The following ADAMTS12 variants were observed in gnomAD, a reference collection of about 807,000 sequenced individuals.
ADAMTS12 encodes ADAM metallopeptidase with thrombospondin type 1 motif 12, also known as A disintegrin and metalloproteinase with thrombospondin motifs 12.
In ADAMTS12, 118 loss-of-function variants were observed where a neutral mutation model predicts 167.8. That is an observed-to-expected ratio of 0.70 (90% CI 0.61 to 0.82). ADAMTS12 has a LOEUF of 0.82. Among genes scored for constraint, ADAMTS12 ranks in the 40% least tolerant of loss-of-function variants. ADAMTS12 has a pLI of 0.00. For synonymous variants in ADAMTS12, 704 were observed against 716.9 expected (o/e 0.98, Z 0.29); for missense variants, 1,916 against 1,998.8 (o/e 0.96, Z 0.79).
At chr5:33,832,684 T>C (rs1437784071) in intron 2 of ADAMTS12, among the ~76,000 whole-genome samples, 2 of 152,178 alleles carry the variant, frequency 1.3e-5, no homozygotes, top group Admixed American at 1.3e-4. Flanking sequence ...TGATGCGGCT[T>C]GGTTTGGGGA....
intron 14 of ADAMTS12, among the ~76,000 whole-genome samples, chr5:33,616,965 TAATAAAATGGA>T (rs2112101023): frequency 6.6e-6 from 1 of 152,300 alleles, no homozygotes; most frequent in East Asian, 1.9e-4. Context: ...AACCATTCCC[TAATAAAATGGA>T]AAGAACATGG....
chr5:33,540,989 C>T (rs553953725), intron 22 of ADAMTS12, among the ~76,000 whole-genome samples: 11 of 152,270 alleles, frequency 7.2e-5, no homozygotes, highest in Middle Eastern at 3.4e-3. Context: ...ATGACTTTGA[C>T]GAGTTGACAG....
rs781647953 is a variant in ADAMTS12 at position 33,661,874 on chromosome 5, C to T, written c.1040+42G>A. ...GTAAGCCTTTCACCTGCCATCCCTC[C>T]CTGCTTTACTGCCCCTGGGTTTCAT... On this transcript the variant is annotated intron_variant, in intron 6 of 23. Transcript: ENST00000504830. The T allele has an allele frequency of 6.8e-6, 11 of 1,610,238 alleles. No homozygotes were observed. In the African/African-American group the frequency reaches 1.2e-4, roughly 18 times the overall value.
At chr5:33,825,853 G>A (rs1386949871) in intron 2 of ADAMTS12, among the ~76,000 whole-genome samples, 1 of 152,184 alleles carries the variant, frequency 6.6e-6, no homozygotes, top group Non-Finnish European at 1.5e-5. Context: ...CTTGCTAGCA[G>A]TATTCTTGTC....
chr5:33,871,651 T>G (rs1449346732), intron 2 of ADAMTS12, among the ~76,000 whole-genome samples: 1 of 151,934 alleles, frequency 6.6e-6, no homozygotes, highest in Non-Finnish European at 1.5e-5. Context: ...CAGAACTCAA[T>G]GCAGTTAAAG....
chr5:33,888,881 T>C (rs531485845), intron 1 of ADAMTS12, among the ~76,000 whole-genome samples: 34 of 152,348 alleles, frequency 2.2e-4, no homozygotes, highest in African/African-American at 7.9e-4. Flanking sequence ...GTGGAAAGAA[T>C]ACTGGGCAGT....
At chr5:33,761,549 A>G (rs1745358398) in intron 2 of ADAMTS12, among the ~76,000 whole-genome samples, 1 of 152,214 alleles carries the variant, frequency 6.6e-6, no homozygotes, top group Non-Finnish European at 1.5e-5. Context: ...GAGATGTTAG[A>G]GACATAAATG....
intron 2 of ADAMTS12, among the ~76,000 whole-genome samples, chr5:33,868,709 C>T (rs992104751): frequency 2.6e-5 from 4 of 152,166 alleles, no homozygotes; most frequent in African/African-American, 9.7e-5. Context: ...TTTGTCCAAC[C>T]CATGGCCCAT....
At position 33,656,533 on chromosome 5, in the gene ADAMTS12, T is replaced by G. The variant is rs190169286; in HGVS notation, c.1190+1651A>C. Among the ~76,000 whole-genome samples the G allele has an allele frequency of 9.8e-5, 15 of 152,304 alleles. No individual in the cohort carries two copies. The East Asian group carries it at 1.7e-3, about 18-fold the overall frequency. ...TACAAGATCAGGTTGAACTTGAGGA[T>G]AGAAAGAATCCATCCTTGGAACACA... On this transcript the variant is annotated intron_variant, in intron 7 of 23. Coordinates refer to ENST00000504830, the MANE Select transcript of ADAMTS12 (RefSeq NM_030955.4).
chr5:33,576,537 T>C lies in ADAMTS12; in HGVS notation c.3489A>G (p.Arg1163=). ...TTTCATCTTTGTCCTCAGGCTGTTCTCTTTCTTCCCCTGAGCCACTGTGAA... is the reference window on the plus strand; with the variant it reads ...TTTCATCTTTGTCCTCAGGCTGTTCCCTTTCTTCCCCTGAGCCACTGTGAA... ...MEIHSGSGEE[R]EQPEDKDESN... is the part of the protein sequence containing the mutation. Residue 1163 remains arginine (R), a synonymous_variant, in exon 19 of 24, where the codon AGA becomes AGG. Coordinates refer to ENST00000504830, the MANE Select transcript of ADAMTS12 (RefSeq NM_030955.4). The C allele has an allele frequency of 6.2e-7, 1 of 1,613,770 alleles. No individual in the cohort carries two copies. Among genetic ancestry groups the C allele is most frequent in the South Asian group, 1.1e-5 (1 of 91,008 alleles).
At position 33,537,882 on chromosome 5, in the gene ADAMTS12, G is replaced by A. The variant is rs954886935; in HGVS notation, c.4447-2890C>T. ...GTTGGGCAAAATACTGCATTCCCGT[G>A]TGTGTTATAATTATAACCATCAAAA... is the stretch of plus-strand genomic sequence containing the variant. On this transcript the variant is annotated intron_variant, in intron 22 of 23. Transcript: ENST00000504830. Among the ~76,000 whole-genome samples the A allele has an allele frequency of 2.0e-5, 3 of 152,322 alleles. No homozygotes were observed. The South Asian group carries it at 6.2e-4, about 32-fold the overall frequency.
At chr5:33,672,321 C>CACATACACACACACAT (rs1490384628) in intron 5 of ADAMTS12, among the ~76,000 whole-genome samples, 4 of 150,854 alleles carry the variant, frequency 2.7e-5, no homozygotes, top group African/African-American at 9.8e-5. Flanking sequence ...CACACAGATC[C>CACATACACACACACAT]ACATACACAC....
At chr5:33,549,791 A>C (rs1229958760) in intron 20 of ADAMTS12, among the ~76,000 whole-genome samples, 1 of 152,250 alleles carries the variant, frequency 6.6e-6, no homozygotes, top group African/African-American at 2.4e-5. Flanking sequence ...CTAGAGGCAG[A>C]GTGGCCTGCC....
chr5:33,578,430 A>G (rs1042791347), intron 18 of ADAMTS12, among the ~76,000 whole-genome samples: 2 of 152,208 alleles, frequency 1.3e-5, no homozygotes, highest in African/African-American at 4.8e-5. Context: ...CTAGTGCAAC[A>G]CACTGTACAA....
chr5:33,549,106 A>G (rs1745123066), intron 21 of ADAMTS12, 101 bp downstream of exon 21: 2 of 1,408,088 alleles, frequency 1.4e-6, no homozygotes, highest in South Asian at 2.8e-5. Flanking sequence ...TTGGCAGGAC[A>G]CAGGTGTGGT....
chr5:33,606,575 G>A (rs903765191), intron 16 of ADAMTS12, among the ~76,000 whole-genome samples: 4 of 152,156 alleles, frequency 2.6e-5, no homozygotes, highest in Admixed American at 6.5e-5. Flanking sequence ...GAATGCATTC[G>A]TGAGTCCTAT....
chr5:33,550,963 T>C (rs994362179), intron 20 of ADAMTS12, among the ~76,000 whole-genome samples: 5 of 152,170 alleles, frequency 3.3e-5, no homozygotes, highest in African/African-American at 1.2e-4. Context: ...GGATAAAGAA[T>C]GTGCTTCTTT....
At chr5:33,830,783 C>T (rs1055118773) in intron 2 of ADAMTS12, among the ~76,000 whole-genome samples, 1 of 152,018 alleles carries the variant, frequency 6.6e-6, no homozygotes, top group African/African-American at 2.4e-5. Context: ...CACAGCAAAA[C>T]TCTGTCTGTA....
rs556853796 is a variant in ADAMTS12, at chr5:33,773,856, G to A, written c.490-22308C>T. 2.6e-4 allele frequency among the ~76,000 whole-genome samples: 39 copies of A among 152,174 alleles called. No homozygotes were observed. In the South Asian group the frequency reaches 7.5e-3, roughly 29 times the overall value. On this transcript the variant is annotated intron_variant, in intron 2 of 23. Transcript: ENST00000504830. ...TTGGCCCTTCATTGAAAGAAATATG[G>A]CCAAGAAGCCACTGACTGTCAGGGG...
Sources: allele counts gnomAD v4.1 joint callset (sites outside exome capture counted in the v4.1 genomes callset), GRCh38; gene constraint gnomAD v4.1.1; transcripts MANE v1.5; gene names NCBI Gene and HGNC (gene_info 2026-07-23, HGNC 2026-07-21).